DIAPH2: variants seen among roughly 807,000 people sequenced by gnomAD.
DIAPH2 encodes the protein protein diaphanous homolog 2.
DIAPH2 carries 35 observed loss-of-function variants against 92.7 expected under a neutral mutation model. The ratio of observed to expected loss-of-function variants is 0.38; its 90% CI spans 0.29 to 0.50. The LOEUF (loss-of-function observed/expected upper bound fraction) is 0.50. DIAPH2 is among the 20% of genes least tolerant of loss of function. The pLI is 0.94. For missense variants in DIAPH2, 701 were observed against 819.5 expected, an observed-to-expected ratio of 0.86 and a Z score of 1.77; for synonymous variants, 301 against 280.4, an observed-to-expected ratio of 1.07 and a Z score of -0.73.
chrX:96,883,704 G>C (rs773088871), intron 5 of DIAPH2, among the ~76,000 whole-genome samples: 9 of 110,849 alleles, frequency 8.1e-5, no homozygotes, highest in Non-Finnish European at 1.3e-4. Context: ...TTAATGGTTT[G>C]AATGAACAGG....
At chrX:97,006,393 A>G (rs973408638) in intron 17 of DIAPH2, among the ~76,000 whole-genome samples, 13 of 112,188 alleles carry the variant, frequency 1.2e-4, no homozygotes, top group African/African-American at 4.2e-4. Flanking sequence ...GTCTCTAGCT[A>G]TTATTGCATA....
intron 19 of DIAPH2, among the ~76,000 whole-genome samples, chrX:97,083,823 C>T (rs779217938): frequency 1.6e-3 from 177 of 112,118 alleles, no homozygotes; most frequent in Non-Finnish European, 3.0e-3. Flanking sequence ...TAGGTCCAAA[C>T]AAAATGATAC....
intron 22 of DIAPH2, among the ~76,000 whole-genome samples, chrX:97,211,478 A>G (rs1249942278): frequency 8.9e-6 from 1 of 111,938 alleles, no homozygotes; most frequent in Non-Finnish European, 1.9e-5. Context: ...TTCCTTCAGT[A>G]GACCAAAGTG....
At chrX:97,241,388 C>T (rs2068092241) in intron 22 of DIAPH2, among the ~76,000 whole-genome samples, 1 of 110,277 alleles carries the variant, frequency 9.1e-6, no homozygotes, top group South Asian at 3.9e-4. Context: ...ACCTCCGCCT[C>T]TTGGGTTCAA....
At chrX:97,523,638 A>G (rs2071005559) in intron 26 of DIAPH2, among the ~76,000 whole-genome samples, 1 of 111,936 alleles carries the variant, frequency 8.9e-6, no homozygotes, top group African/African-American at 3.2e-5. Context: ...AAAATGAAAA[A>G]GGGAAAAGAG....
chrX:96,928,403 A>G lies in DIAPH2; in HGVS notation c.979-2330A>G, dbSNP rs1454269169. Among the ~76,000 whole-genome samples, 21 of 111,431 alleles carry G rather than the reference A, an allele frequency of 1.9e-4. No individual in the cohort carries two copies. The Admixed American group carries it at 2.0e-3, about 11-fold the overall frequency. On this transcript the variant is annotated intron_variant, in intron 9 of 26. Coordinates refer to ENST00000324765, the MANE Select transcript of DIAPH2 (RefSeq NM_006729.5). ...TTTGTCATGTTTATAATTAAGTAGT[A>G]ATATATTCTTCCCTTTAAGCTAATT...
At chrX:96,984,071 A>G (rs2147842764) in intron 17 of DIAPH2, among the ~76,000 whole-genome samples, 1 of 111,808 alleles carries the variant, frequency 8.9e-6, no homozygotes, top group East Asian at 2.8e-4. Flanking sequence ...ATAATTTAGT[A>G]TTTATGTGGT....
intron 4 of DIAPH2, among the ~76,000 whole-genome samples, chrX:96,844,929 TA>T (rs2064961297): frequency 8.9e-6 from 1 of 112,154 alleles, no homozygotes; most frequent in Non-Finnish European, 1.9e-5. Flanking sequence ...GGTTATGAAA[TA>T]TGAAAAATAA....
chrX:97,366,686 T>A (rs2069384389), intron 24 of DIAPH2, among the ~76,000 whole-genome samples: 1 of 111,796 alleles, frequency 8.9e-6, no homozygotes, highest in African/African-American at 3.2e-5. Context: ...TCTTCAAACA[T>A]ACCTTCAAAC....
intron 22 of DIAPH2, among the ~76,000 whole-genome samples, chrX:97,240,111 A>G (rs2068081413): frequency 9.0e-6 from 1 of 110,957 alleles, no homozygotes; most frequent in African/African-American, 3.3e-5. Context: ...AGCCAAAGTG[A>G]TGAACTTTTA....
rs554755615 is a variant in DIAPH2, at chrX:97,603,245, T to C, written c.*3928T>C. 41 of 110,009 alleles carry C rather than the reference T, an allele frequency of 3.7e-4. No individual in the cohort carries two copies. The highest frequency in any genetic ancestry group is 2.5e-3 in the Admixed American group (26 of 10,320). 9.1% of individuals were successfully genotyped at this position (110,009 alleles called of 1,213,427 possible). ...TTTGTCCACTTATATAGTTATTTTCTCTTTAAAAAAAAATTTTTTTTAATG... is the reference window on the plus strand; with the variant it reads ...TTTGTCCACTTATATAGTTATTTTCCCTTTAAAAAAAAATTTTTTTTAATG... On this transcript the variant is annotated 3_prime_UTR_variant, in exon 27 of 27. Transcript: ENST00000324765.
chrX:97,178,605 A>G (rs1225607302), intron 22 of DIAPH2, among the ~76,000 whole-genome samples: 1 of 108,115 alleles, frequency 9.2e-6, no homozygotes, highest in Non-Finnish European at 1.9e-5. Context: ...GGCGCCCACC[A>G]TCACGCCTGG....
At chrX:97,507,141 CAAAA>C (rs397896097) in intron 26 of DIAPH2, among the ~76,000 whole-genome samples, 2 of 31,121 alleles carry the variant, frequency 6.4e-5, no homozygotes, top group African/African-American at 1.4e-4. Flanking sequence ...ACAAAACCGA[CAAAA>C]AAAAAAAAAA....
In DIAPH2 at chrX:96,846,137, G is replaced by A. The variant is rs765991756; in HGVS notation, c.448-35442G>A. Among the ~76,000 whole-genome samples the A allele has an allele frequency of 7.7e-3, 595 of 77,151 alleles. 4 individuals are homozygous for A. The highest frequency in any genetic ancestry group is 0.012 in the Admixed American group (76 of 6,122). 67.0% of individuals were successfully genotyped at this position (77,151 alleles called of 115,157 possible). A position where few individuals can be genotyped will look rare whatever the true frequency, so the allele number is the denominator to read the frequency against. The stretch of plus-strand genomic sequence containing the variant: ...CATTTCTTTGTGTCTCTGCATTAGC[G>A]TTATACTTTTTTTTTTTTTTTTATA... On this transcript the variant is annotated intron_variant, in intron 4 of 26. Transcript: ENST00000324765.
At chrX:96,782,387 C>T (rs1046005157) in intron 4 of DIAPH2, among the ~76,000 whole-genome samples, 7 of 112,050 alleles carry the variant, frequency 6.2e-5, no homozygotes, top group East Asian at 2.8e-4. Flanking sequence ...GCTCCGCCTC[C>T]GGGGTTCACG....
At chrX:97,356,626 A>C (rs1409805026) in intron 24 of DIAPH2, among the ~76,000 whole-genome samples, 1 of 111,830 alleles carries the variant, frequency 8.9e-6, no homozygotes, top group African/African-American at 3.2e-5. Flanking sequence ...GTCACCTATC[A>C]AATGTTGTAT....
intron 1 of DIAPH2, among the ~76,000 whole-genome samples, chrX:96,729,367 A>C (rs980816682): frequency 8.9e-6 from 1 of 112,161 alleles, no homozygotes. Context: ...TTTCTGCTTA[A>C]TTCAGGCACT....
At chrX:97,207,896 A>G (rs2067810445) in intron 22 of DIAPH2, among the ~76,000 whole-genome samples, 1 of 111,704 alleles carries the variant, frequency 9.0e-6, no homozygotes, top group African/African-American at 3.3e-5. Context: ...GCTCGCGCCT[A>G]TAATCCCAGC....
intron 25 of DIAPH2, among the ~76,000 whole-genome samples, chrX:97,413,342 A>T (rs1602573057): frequency 9.0e-6 from 1 of 111,632 alleles, no homozygotes; most frequent in East Asian, 2.8e-4. Context: ...AAGGCCTTCG[A>T]CAGAATTCTA....
Sources: gnomAD v4.1 joint callset for allele counts (sites outside exome capture counted in the v4.1 genomes callset) on GRCh38, gnomAD v4.1.1 for gene constraint, MANE v1.5 for transcripts, NCBI Gene and HGNC (gene_info 2026-07-23, HGNC 2026-07-21) for gene names.